RNF216: variants seen among roughly 807,000 people sequenced by gnomAD.
The protein encoded by RNF216 is ring finger protein 216.
A neutral mutation model predicts 110.8 loss-of-function variants in RNF216; 72 were observed. The ratio of observed to expected loss-of-function variants is 0.65; its 90% CI spans 0.54 to 0.79. The LOEUF is 0.79. RNF216 is among the 30% of genes least tolerant of loss of function. RNF216 has a pLI of 0.00. For missense variants in RNF216, 1,342 were observed against 1,141.2 expected, an observed-to-expected ratio of 1.18 and a Z score of -2.54; for synonymous variants, 495 against 407.5, an observed-to-expected ratio of 1.21 and a Z score of -2.59.
chr7:5,751,827 TAAAAAAAAAAAAAAAA>T (rs3075700), intron 3 of RNF216, among the ~76,000 whole-genome samples: 4 of 37,276 alleles, frequency 1.1e-4, no homozygotes, highest in Non-Finnish European at 1.3e-4. Flanking sequence ...ATCTTTAAAC[TAAAAAAAAAAAAAAAA>T]AAAAAAAAAA....
At chr7:5,630,450 T>G (rs927164583) in intron 15 of RNF216, among the ~76,000 whole-genome samples, 2 of 152,012 alleles carry the variant, frequency 1.3e-5, no homozygotes, top group Admixed American at 1.3e-4. Flanking sequence ...TGATTATAGC[T>G]CACTGCAGCC....
intron 13 of RNF216, among the ~76,000 whole-genome samples, chr7:5,706,240 T>C (rs1352593960): frequency 6.8e-6 from 1 of 146,800 alleles, no homozygotes; most frequent in Non-Finnish European, 1.5e-5. Flanking sequence ...AAAAAAAAAA[T>C]TGTGGTGAAA....
At chr7:5,764,475 C>A (rs995285377) in intron 1 of RNF216, among the ~76,000 whole-genome samples, 2 of 151,904 alleles carry the variant, frequency 1.3e-5, no homozygotes, top group Non-Finnish European at 2.9e-5. Flanking sequence ...TGGCAAAACG[C>A]CGTCTCTACT....
At chr7:5,695,928 T>C (rs1333618507) in intron 13 of RNF216, among the ~76,000 whole-genome samples, 2 of 152,160 alleles carry the variant, frequency 1.3e-5, no homozygotes, top group Non-Finnish European at 2.9e-5. Flanking sequence ...ACAGAAAACA[T>C]GTTTCCCGTC....
intron 15 of RNF216, among the ~76,000 whole-genome samples, chr7:5,633,787 G>A (rs1207364652): frequency 6.6e-6 from 1 of 152,120 alleles, no homozygotes; most frequent in African/African-American, 2.4e-5. Flanking sequence ...GGGATGGCAA[G>A]CACCCGGCCT....
intron 13 of RNF216, among the ~76,000 whole-genome samples, chr7:5,665,679 G>A (rs765869673): frequency 6.6e-6 from 1 of 151,912 alleles, no homozygotes; most frequent in Non-Finnish European, 1.5e-5. Context: ...GGACAGAGTG[G>A]GAGGGTAAAG....
At chr7:5,657,667 G>A (rs1423862978) in intron 13 of RNF216, among the ~76,000 whole-genome samples, 1 of 152,108 alleles carries the variant, frequency 6.6e-6, no homozygotes, top group Non-Finnish European at 1.5e-5. Flanking sequence ...GCTCAGCCAG[G>A]GACCACAGGA....
intron 13 of RNF216, among the ~76,000 whole-genome samples, chr7:5,707,034 CT>C (rs1257552861): frequency 1.3e-5 from 2 of 152,192 alleles, no homozygotes; most frequent in Non-Finnish European, 1.5e-5. Flanking sequence ...CAGAGACTAC[CT>C]TTTCCCCCGG....
rs144201287 is a variant in RNF216 at position 5,740,298 on chromosome 7, T to A, written c.1044+675A>T. Among the ~76,000 whole-genome samples, 1,207 of 152,004 alleles carry A rather than the reference T, an allele frequency of 7.9e-3. 16 individuals are homozygous for A. Among genetic ancestry groups the A allele is most frequent in the African/African-American group, 0.028 (1,159 of 41,454 alleles). On this transcript the variant is annotated intron_variant, in intron 4 of 16. Transcript: ENST00000389902. ...CCCGCCACCACGCCCGGCTAATTTTTAATTTTTTTAGTAGAGACAGGGTTT... is the reference window on the plus strand; with the variant it reads ...CCCGCCACCACGCCCGGCTAATTTTAAATTTTTTTAGTAGAGACAGGGTTT...
chr7:5,701,623 A>T (rs1000467928), intron 13 of RNF216, among the ~76,000 whole-genome samples: 1 of 152,206 alleles, frequency 6.6e-6, no homozygotes, highest in East Asian at 1.9e-4. Context: ...TATTCACCCT[A>T]TGTCACAAAG....
In RNF216 at chr7:5,671,805, C is replaced by CAAAAAAAA. The variant is rs11319565; in HGVS notation, c.2062-19303_2062-19296dup. On this transcript the variant is annotated intron_variant, in intron 13 of 16. Transcript: ENST00000389902. ...GAGCAAAGAGACCAAAACTCCGTCTCAAAAAAAAAAAAAAAAAAAAAAAAG... is the reference window on the plus strand; with the variant it reads ...GAGCAAAGAGACCAAAACTCCGTCTCAAAAAAAAAAAAAAAAAAAAAAAAAAAAAAAAG... Among the ~76,000 whole-genome samples the CAAAAAAAA allele has an allele frequency of 2.0e-3, 111 of 54,212 alleles. 8 individuals carry two copies. The highest frequency in any genetic ancestry group is 8.5e-3 in the African/African-American group (105 of 12,378). The allele number at this position is 54,212 out of a possible 152,430, so 35.6% of individuals were successfully genotyped here. A position where few individuals can be genotyped will look rare whatever the true frequency, so the allele number is the denominator to read the frequency against.
At chr7:5,654,458 A>C (rs1788603395) in intron 13 of RNF216, among the ~76,000 whole-genome samples, 4 of 151,978 alleles carry the variant, frequency 2.6e-5, no homozygotes, top group Admixed American at 2.6e-4. Context: ...AGGCCAAGGC[A>C]GGCAAATCAT....
intron 1 of RNF216, among the ~76,000 whole-genome samples, chr7:5,775,647 A>G (rs537484574): frequency 6.6e-6 from 1 of 151,914 alleles, no homozygotes; most frequent in South Asian, 2.1e-4. Flanking sequence ...AGGTGAGTGG[A>G]TTATTTGAGG....
At chr7:5,633,643 T>C (rs1318270370) in intron 15 of RNF216, among the ~76,000 whole-genome samples, 2 of 151,996 alleles carry the variant, frequency 1.3e-5, no homozygotes, top group Non-Finnish European at 2.9e-5. Context: ...GGGAGGGAGA[T>C]TTGTTTCCTT....
At chr7:5,769,263 G>A (rs568656584) in intron 1 of RNF216, among the ~76,000 whole-genome samples, 13 of 151,864 alleles carry the variant, frequency 8.6e-5, no homozygotes, top group East Asian at 6.0e-4. Context: ...GACTACAGGC[G>A]TGCGCCACCA....
intron 14 of RNF216, among the ~76,000 whole-genome samples, chr7:5,648,704 G>A (rs1450913928): frequency 6.7e-5 from 10 of 149,960 alleles, no homozygotes; most frequent in Non-Finnish European, 1.5e-4. Context: ...TTCCAGCCTG[G>A]GTGACAGAGT....
chr7:5,660,265 C>CTTTTTTTTTTTTTTTTTTTTTTT lies in RNF216; in HGVS notation c.2062-7778_2062-7756dup, dbSNP rs66617363. The stretch of plus-strand genomic sequence containing the variant: ...ACAGAGCCCGGCCCTGTTTTAAATT[C>CTTTTTTTTTTTTTTTTTTTTTTT]TTTTTTTTTTTTTTTTTTTTTTTTT... On this transcript the variant is annotated intron_variant, in intron 13 of 16. Transcript: ENST00000389902. 8.9e-5 allele frequency among the ~76,000 whole-genome samples: 3 copies of CTTTTTTTTTTTTTTTTTTTTTTT among 33,604 alleles called. 1 individual carries two copies. The highest frequency in any genetic ancestry group is 6.1e-5 in the Non-Finnish European group (1 of 16,340). The allele number at this position is 33,604 out of a possible 152,430, so 22.0% of individuals were successfully genotyped here.
chr7:5,631,527 C>T (rs945788943), intron 15 of RNF216, among the ~76,000 whole-genome samples: 6 of 152,168 alleles, frequency 3.9e-5, no homozygotes, highest in African/African-American at 1.4e-4. Context: ...AAGGCAGAAG[C>T]GAATGCTTCA....
chr7:5,693,331 GA>G (rs1791446630), intron 13 of RNF216, among the ~76,000 whole-genome samples: 2 of 152,276 alleles, frequency 1.3e-5, no homozygotes, highest in East Asian at 3.8e-4. Context: ...AAAGTCTGCT[GA>G]CCCCTGGTAT....
Sources: gnomAD v4.1 joint callset for allele counts (sites outside exome capture counted in the v4.1 genomes callset) on GRCh38, gnomAD v4.1.1 for gene constraint, MANE v1.5 for transcripts, NCBI Gene and HGNC (gene_info 2026-07-23, HGNC 2026-07-21) for gene names.